MFN1: variants seen among roughly 807,000 people sequenced by gnomAD.
The protein encoded by MFN1 is mitofusin-1.
MFN1 carries 65 observed loss-of-function variants against 92.4 expected under a neutral mutation model. The observed-to-expected ratio is 0.70, with a 90% CI of 0.58 to 0.86. MFN1 has a LOEUF of 0.86. Among genes scored for constraint, MFN1 ranks in the 40% least tolerant of loss-of-function variants. MFN1 has a pLI of 0.00. For synonymous variants in MFN1, 297 were observed against 300.9 expected (o/e 0.99, Z 0.13); for missense variants, 781 against 868.0 (o/e 0.90, Z 1.26).
rs370243781 is a variant in MFN1 at position 179,375,514 on chromosome 3, T to G, written c.1097+173T>G. On this transcript the variant is annotated intron_variant, in intron 10 of 17. Transcript: ENST00000471841. ...AGTGCGTATTTGAAAGTGTCGATATTTATTCTGCAACCTTGCACACATCAT... is the reference window on the plus strand; with the variant it reads ...AGTGCGTATTTGAAAGTGTCGATATGTATTCTGCAACCTTGCACACATCAT... Among the ~76,000 whole-genome samples, 6 of 152,364 alleles carry G rather than the reference T, an allele frequency of 3.9e-5. 2 individuals carry two copies. Among genetic ancestry groups the G allele is most frequent in the South Asian group, 2.1e-4 (1 of 4,832 alleles).
Position 179,365,267 on chromosome 3 carries a change from C to A in MFN1, c.753+42C>A. 3.7e-6 allele frequency: 4 copies of A among 1,078,728 alleles called. No individual in the cohort carries two copies. The South Asian group carries it at 4.7e-5, about 13-fold the overall frequency. 66.8% of individuals were successfully genotyped at this position (1,078,728 alleles called of 1,614,324 possible). A position where few individuals can be genotyped will look rare whatever the true frequency, so the allele number is the denominator to read the frequency against. On this transcript the variant is annotated intron_variant, in intron 7 of 17. Transcript: ENST00000471841. ...TTTTTTGTAGGTTTTGAAATACAGTCACATACATTGTTATTTGAGAAAACA... is the reference window on the plus strand; with the variant it reads ...TTTTTTGTAGGTTTTGAAATACAGTAACATACATTGTTATTTGAGAAAACA...
intron 14 of MFN1, among the ~76,000 whole-genome samples, chr3:179,379,574 G>A (rs1713389034): frequency 1.3e-5 from 2 of 152,010 alleles, no homozygotes; most frequent in South Asian, 2.1e-4. Context: ...GACTGGTCTC[G>A]AACTCCTGAC....
At position 179,393,072 on chromosome 3, in the gene MFN1, A is replaced by G. The variant is rs1312328479; in HGVS notation, c.*1013A>G. 1 of 152,198 alleles carries G rather than the reference A, an allele frequency of 6.6e-6. No homozygotes were observed. The highest frequency in any genetic ancestry group is 1.5e-5 in the Non-Finnish European group (1 of 68,034). 9.4% of individuals were successfully genotyped at this position (152,198 alleles called of 1,614,324 possible). On this transcript the variant is annotated 3_prime_UTR_variant, in exon 18 of 18. Coordinates refer to ENST00000471841, the MANE Select transcript of MFN1 (RefSeq NM_033540.3). ...CTGTTGACTTTCTTCCCCACTGTGG[A>G]AGAGGCCAGTTTTGCCTCCATTTGC...
At chr3:179,355,485 C>G (rs1461525040) in intron 3 of MFN1, among the ~76,000 whole-genome samples, 2 of 152,058 alleles carry the variant, frequency 1.3e-5, no homozygotes, top group Non-Finnish European at 2.9e-5. Flanking sequence ...GTATAGTTAC[C>G]AAAAAGGCAG....
chr3:179,349,058 A>AT lies in MFN1; in HGVS notation c.112+97dup, dbSNP rs113306662. On this transcript the variant is annotated intron_variant, in intron 2 of 17. Coordinates refer to ENST00000471841, the MANE Select transcript of MFN1 (RefSeq NM_033540.3). The stretch of plus-strand genomic sequence containing the variant: ...TAGTTATTGAACACATGTATAGGGC[A>AT]TTATACTGTATACTATGAGAAGTAC... 25 of 905,376 alleles carry AT rather than the reference A, an allele frequency of 2.8e-5. No individual in the cohort carries two copies. The African/African-American group carries it at 2.8e-4, about 10-fold the overall frequency. 56.1% of individuals were successfully genotyped at this position (905,376 alleles called of 1,614,324 possible).
At chr3:179,369,031 A>G (rs781251263) in intron 9 of MFN1, among the ~76,000 whole-genome samples, 2 of 152,212 alleles carry the variant, frequency 1.3e-5, no homozygotes, top group African/African-American at 4.8e-5. Context: ...GACAAACTGG[A>G]AGAAAGCAAA....
At position 179,364,384 on chromosome 3, in the gene MFN1, T is replaced by A. The variant is rs1712701191; in HGVS notation, c.624T>A (p.Ser208=). ...DADVFVLVAN[S]ESTLMNTEKH... ...ATGTCTTTGTTTTGGTCGCAAACTC[T>A]GAATCAACACTAATGAATACGGTAG... Residue 208 remains serine (S), a synonymous_variant, in exon 6 of 18, where the codon TCT becomes TCA. Transcript: ENST00000471841. 6.2e-7 allele frequency: 1 copy of A among 1,611,142 alleles called. No homozygotes were observed. Among genetic ancestry groups the A allele is most frequent in the Non-Finnish European group, 8.5e-7 (1 of 1,177,352 alleles).
At chr3:179,390,454 T>C (rs143807453) in intron 17 of MFN1, among the ~76,000 whole-genome samples, 1 of 152,300 alleles carries the variant, frequency 6.6e-6, no homozygotes, top group East Asian at 1.9e-4. Context: ...GAACAGAAGT[T>C]GTATAATTAA....
intron 3 of MFN1, among the ~76,000 whole-genome samples, chr3:179,355,678 G>T (rs1313471845): frequency 6.6e-6 from 1 of 151,540 alleles, no homozygotes; most frequent in African/African-American, 2.4e-5. Flanking sequence ...GGGGCCAGGC[G>T]TGGTGGCTCA....
intron 1 of MFN1, among the ~76,000 whole-genome samples, chr3:179,348,570 CTTAGTCACAA>C (rs1167381682): frequency 2.6e-5 from 4 of 152,216 alleles, no homozygotes; most frequent in Non-Finnish European, 1.5e-5. Flanking sequence ...CAGTGACAAA[CTTAGTCACAA>C]TTAGTTTCGT....
chr3:179,389,397 T>C (rs1342007458), intron 16 of MFN1, among the ~76,000 whole-genome samples: 3 of 152,140 alleles, frequency 2.0e-5, no homozygotes, highest in Non-Finnish European at 4.4e-5. Context: ...TCCTCTTTCT[T>C]AGAAGACTTT....
chr3:179,369,208 C>CTCACCTCTT (rs1394126715), intron 9 of MFN1, among the ~76,000 whole-genome samples: 1 of 143,616 alleles, frequency 7.0e-6, no homozygotes, highest in Non-Finnish European at 1.5e-5. Context: ...TGATGCTCTC[C>CTCACCTCTT]TCACCTCTTT....
intron 8 of MFN1, 53 bp from the exon 9 acceptor site, chr3:179,367,983 A>C: frequency 8.3e-7 from 1 of 1,209,518 alleles, no homozygotes; most frequent in Admixed American, 3.0e-5. Context: ...AGCCTACCAG[A>C]AAACATATCT....
At chr3:179,384,996 C>T (rs1430610948) in intron 14 of MFN1, among the ~76,000 whole-genome samples, 3 of 148,658 alleles carry the variant, frequency 2.0e-5, no homozygotes, top group Non-Finnish European at 4.4e-5. Context: ...AGCTCTGCCT[C>T]CTGGGTTCAC....
At chr3:179,355,012 G>C (rs554568899) in intron 3 of MFN1, among the ~76,000 whole-genome samples, 1 of 152,054 alleles carries the variant, frequency 6.6e-6, no homozygotes, top group Non-Finnish European at 1.5e-5. Flanking sequence ...GGCCAGCCTG[G>C]TCTCGAACTC....
At chr3:179,348,450 C>T (rs988562656) in intron 1 of MFN1, among the ~76,000 whole-genome samples, 7 of 152,238 alleles carry the variant, frequency 4.6e-5, no homozygotes, top group Non-Finnish European at 8.8e-5. Flanking sequence ...TGCATATCCA[C>T]TCCTACTCAC....
At chr3:179,374,535 A>G (rs1316526689) in intron 9 of MFN1, among the ~76,000 whole-genome samples, 2 of 151,888 alleles carry the variant, frequency 1.3e-5, no homozygotes, top group Non-Finnish European at 2.9e-5. Flanking sequence ...ACACTGATTT[A>G]TAACAACTAT....
intron 4 of MFN1, among the ~76,000 whole-genome samples, chr3:179,359,266 G>T (rs1398090603): frequency 6.6e-6 from 1 of 151,636 alleles, no homozygotes; most frequent in African/African-American, 2.4e-5. Context: ...GACTACAGGC[G>T]TGCGCCACCA....
chr3:179,381,334 T>G (rs1421223152), intron 14 of MFN1, among the ~76,000 whole-genome samples: 1 of 152,234 alleles, frequency 6.6e-6, no homozygotes, highest in African/African-American at 2.4e-5. Context: ...GAGGACCCAC[T>G]TCTTGGTCCC....
Sources: gnomAD v4.1 joint callset for allele counts (sites outside exome capture counted in the v4.1 genomes callset) on GRCh38, gnomAD v4.1.1 for gene constraint, MANE v1.5 for transcripts, NCBI Gene and HGNC (gene_info 2026-07-23, HGNC 2026-07-21) for gene names.